Variants in AGBL4 observed in about 807,000 individuals in gnomAD.
AGBL4 encodes cytosolic carboxypeptidase 6.
In AGBL4, 58 loss-of-function variants were observed where a neutral mutation model predicts 66.4. The observed-to-expected ratio is 0.87, with a 90% CI of 0.71 to 1.09. AGBL4 has a LOEUF of 1.09. Among genes scored for constraint, AGBL4 ranks in the 50% least tolerant of loss-of-function variants. The probability of loss-of-function intolerance (pLI) is 0.00; values close to 1 mark genes in which losing one functional copy is unlikely to be tolerated. For missense variants in AGBL4, 579 were observed against 631.0 expected (o/e 0.92, Z 0.88); for synonymous variants, 234 against 222.9 (o/e 1.05, Z -0.44).
chr1:49,615,532 G>T (rs1415700391), intron 3 of AGBL4, among the ~76,000 whole-genome samples: 1 of 152,022 alleles, frequency 6.6e-6, no homozygotes, highest in East Asian at 1.9e-4. Flanking sequence ...CAGATATGCC[G>T]ACAGTTTGTA....
At chr1:49,244,098 G>A (rs147959658) in intron 4 of AGBL4, among the ~76,000 whole-genome samples, 3 of 151,816 alleles carry the variant, frequency 2.0e-5, no homozygotes, top group East Asian at 3.9e-4. Flanking sequence ...AATAATTAAG[G>A]CTTATGCATC....
intron 3 of AGBL4, among the ~76,000 whole-genome samples, chr1:49,663,668 A>C (rs1646310856): frequency 3.9e-5 from 6 of 152,106 alleles, no homozygotes; most frequent in African/African-American, 1.4e-4. Context: ...GCAATACATA[A>C]ATGAGAAGCC....
chr1:49,870,604 T>A (rs1378500591), intron 1 of AGBL4, among the ~76,000 whole-genome samples: 1 of 151,506 alleles, frequency 6.6e-6, no homozygotes, highest in Non-Finnish European at 1.5e-5. Context: ...ATTAAAAATT[T>A]TTTGAATAAT....
intron 3 of AGBL4, among the ~76,000 whole-genome samples, chr1:49,284,193 C>T (rs1644350287): frequency 6.6e-6 from 1 of 152,074 alleles, no homozygotes; most frequent in Admixed American, 6.5e-5. Context: ...ACCCTACAAG[C>T]CAGAAGAGAG....
intron 3 of AGBL4, among the ~76,000 whole-genome samples, chr1:49,658,537 T>C (rs1449437650): frequency 6.6e-6 from 1 of 152,200 alleles, no homozygotes; most frequent in Non-Finnish European, 1.5e-5. Context: ...TAAATCATGC[T>C]GCTATAAAGA....
chr1:49,533,702 A>T (rs1008103263), intron 3 of AGBL4, among the ~76,000 whole-genome samples: 1 of 152,162 alleles, frequency 6.6e-6, no homozygotes. Context: ...TGCCTTGCTG[A>T]CACATAATTC....
intron 11 of AGBL4, among the ~76,000 whole-genome samples, chr1:48,575,375 G>A (rs1644635791): frequency 6.6e-6 from 1 of 152,150 alleles, no homozygotes; most frequent in African/African-American, 2.4e-5. Context: ...AGTTAGAAGG[G>A]CAGGCGGGTG....
At chr1:49,775,630 G>A (rs192977617) in intron 2 of AGBL4, among the ~76,000 whole-genome samples, 4 of 152,122 alleles carry the variant, frequency 2.6e-5, no homozygotes, top group African/African-American at 9.6e-5. Context: ...TAATTACCAT[G>A]TGTCTACATT....
rs1651279079 is a variant in AGBL4 at position 49,533,177 on chromosome 1, C to A, written c.282+164136G>T. ...TCTCTTCACAACCACACCCACAATA[C>A]CACCTACACCCCGCCCCCACACACA... On this transcript the variant is annotated intron_variant, in intron 3 of 13. Coordinates refer to ENST00000371839, the MANE Select transcript of AGBL4 (RefSeq NM_032785.4). 2.0e-5 allele frequency among the ~76,000 whole-genome samples: 3 copies of A among 152,230 alleles called. No homozygotes were observed. The South Asian group carries it at 6.2e-4, about 32-fold the overall frequency.
At chr1:48,554,006 T>C (rs1321179977) in intron 11 of AGBL4, among the ~76,000 whole-genome samples, 1 of 152,138 alleles carries the variant, frequency 6.6e-6, no homozygotes, top group African/African-American at 2.4e-5. Flanking sequence ...CAAAGAACAG[T>C]GCAGCAAAGA....
intron 3 of AGBL4, among the ~76,000 whole-genome samples, chr1:49,638,508 A>T (rs373877185): frequency 2.0e-4 from 30 of 152,276 alleles, no homozygotes; most frequent in African/African-American, 7.2e-4. Flanking sequence ...CTGTGTCCTC[A>T]CCCAAATCTC....
chr1:49,055,570 G>A (rs1052863180), intron 4 of AGBL4, among the ~76,000 whole-genome samples: 6 of 151,844 alleles, frequency 4.0e-5, no homozygotes, highest in African/African-American at 1.4e-4. Context: ...AAAGGCAAAG[G>A]CAATGTCATC....
intron 2 of AGBL4, among the ~76,000 whole-genome samples, chr1:49,778,449 T>C (rs991476985): frequency 1.3e-5 from 2 of 152,138 alleles, no homozygotes; most frequent in African/African-American, 4.8e-5. Context: ...CCAAAACTAA[T>C]GTTATTTGGA....
chr1:49,346,744 G>T (rs1403809508), intron 3 of AGBL4, among the ~76,000 whole-genome samples: 1 of 152,266 alleles, frequency 6.6e-6, no homozygotes, highest in Admixed American at 6.5e-5. Flanking sequence ...ACTTACAGAA[G>T]ATAGATCTTC....
At chr1:49,149,016 G>A (rs1646274954) in intron 4 of AGBL4, among the ~76,000 whole-genome samples, 1 of 152,176 alleles carries the variant, frequency 6.6e-6, no homozygotes, top group Non-Finnish European at 1.5e-5. Context: ...CTGAGATACT[G>A]ATAGTCCACC....
intron 3 of AGBL4, among the ~76,000 whole-genome samples, chr1:49,642,090 G>A (rs1045488207): frequency 1.3e-5 from 2 of 151,704 alleles, no homozygotes; most frequent in South Asian, 4.2e-4. Context: ...TATTTTCCTT[G>A]TAATATGGTT....
At chr1:49,655,972 C>A (rs996140614) in intron 3 of AGBL4, among the ~76,000 whole-genome samples, 2 of 152,086 alleles carry the variant, frequency 1.3e-5, no homozygotes, top group South Asian at 4.1e-4. Context: ...CCTGGTGAAA[C>A]CCCGTCTCTA....
At chr1:49,054,296 C>A (rs900476736) in intron 4 of AGBL4, among the ~76,000 whole-genome samples, 1 of 151,914 alleles carries the variant, frequency 6.6e-6, no homozygotes, top group Non-Finnish European at 1.5e-5. Flanking sequence ...TATTTTCATC[C>A]AATTCATGTA....
intron 1 of AGBL4, among the ~76,000 whole-genome samples, chr1:49,948,150 A>G (rs1280260926): frequency 9.6e-6 from 1 of 103,916 alleles, no homozygotes; most frequent in Non-Finnish European, 1.7e-5. Context: ...AAATATATAT[A>G]AATATACGTA....
Sources: allele counts gnomAD v4.1 joint callset (sites outside exome capture counted in the v4.1 genomes callset), GRCh38; gene constraint gnomAD v4.1.1; transcripts MANE v1.5; gene names NCBI Gene and HGNC (gene_info 2026-07-23, HGNC 2026-07-21).